The following DLGAP2 variants were observed in gnomAD, a reference collection of about 807,000 sequenced individuals.
DLGAP2 encodes disks large-associated protein 2.
DLGAP2 carries 26 observed loss-of-function variants against 100.3 expected under a neutral mutation model. That is an observed-to-expected ratio of 0.26 (90% CI 0.19 to 0.36). The LOEUF is 0.36. Ranked by LOEUF, DLGAP2 falls within the 10% of genes least tolerant of loss-of-function variation. The probability of loss-of-function intolerance (pLI) is 1.00; values close to 1 mark genes in which losing one functional copy is unlikely to be tolerated. For synonymous variants in DLGAP2, 886 were observed against 630.1 expected (o/e 1.41, Z -6.08); for missense variants, 1,858 against 1,453.2 (o/e 1.28, Z -4.53).
At chr8:1,645,765 T>A (rs1798025979) in intron 8 of DLGAP2, among the ~76,000 whole-genome samples, 1 of 152,248 alleles carries the variant, frequency 6.6e-6, no homozygotes, top group Admixed American at 6.5e-5. Context: ...GTCATTGACA[T>A]GATTTAATAG....
rs867511379 is a variant in DLGAP2, at chr8:1,317,097, A to C, written c.106+58214A>C. Among the ~76,000 whole-genome samples the C allele has an allele frequency of 2.2e-5, 3 of 137,694 alleles. No individual in the cohort carries two copies. The East Asian group carries it at 6.3e-4, about 29-fold the overall frequency. 90.3% of individuals were successfully genotyped at this position (137,694 alleles called of 152,430 possible). A position where few individuals can be genotyped will look rare whatever the true frequency, so the allele number is the denominator to read the frequency against. On this transcript the variant is annotated intron_variant, in intron 3 of 14. Transcript: ENST00000637795. ...ACACTCGAGACACTCGGCAGCGTTTAAAAATAGAGCCTGTGCGAGTGCAGC... is the reference window on the plus strand; with the variant it reads ...ACACTCGAGACACTCGGCAGCGTTTCAAAATAGAGCCTGTGCGAGTGCAGC...
At chr8:1,184,174 G>A (rs1483623815) in intron 2 of DLGAP2, among the ~76,000 whole-genome samples, 1 of 152,208 alleles carries the variant, frequency 6.6e-6, no homozygotes, top group Non-Finnish European at 1.5e-5. Context: ...CAACCGTCAT[G>A]CCTCATTCTA....
chr8:1,164,262 C>T (rs1001339719), intron 2 of DLGAP2, among the ~76,000 whole-genome samples: 35 of 134,772 alleles, frequency 2.6e-4, no homozygotes, highest in African/African-American at 1.0e-3. Context: ...CCCCCAGGGC[C>T]CCTCGTTTTG....
chr8:1,325,345 G>A (rs1800996606), intron 3 of DLGAP2, among the ~76,000 whole-genome samples: 1 of 152,204 alleles, frequency 6.6e-6, no homozygotes, highest in Non-Finnish European at 1.5e-5. Flanking sequence ...CTGCCTGTGT[G>A]TCCAGCCATC....
At chr8:1,315,993 G>A (rs143239783) in intron 3 of DLGAP2, among the ~76,000 whole-genome samples, 9,815 of 124,160 alleles carry the variant, frequency 0.079, 789 homozygotes, top group South Asian at 0.12. Context: ...TAGAGGCTGT[G>A]CGAGTGCAGC....
intron 1 of DLGAP2, among the ~76,000 whole-genome samples, chr8:870,660 A>G (rs1797580399): frequency 6.6e-6 from 1 of 151,632 alleles, no homozygotes; most frequent in Admixed American, 6.6e-5. Flanking sequence ...AATCCAGACT[A>G]TTATCCAGCT....
intron 11 of DLGAP2, 67 bp from the exon 12 acceptor site, chr8:1,678,147 G>C: frequency 1.3e-6 from 2 of 1,533,810 alleles, no homozygotes; most frequent in Non-Finnish European, 1.8e-6. Context: ...CAGGCGACAT[G>C]TAGGACTTTG....
intron 2 of DLGAP2, among the ~76,000 whole-genome samples, chr8:1,225,857 CA>C (rs1585168025): frequency 6.6e-6 from 1 of 152,096 alleles, no homozygotes; most frequent in Non-Finnish European, 1.5e-5. Context: ...GTTCACACCA[CA>C]AAAAAGTTTA....
At chr8:856,726 G>A (rs1045136731) in intron 1 of DLGAP2, among the ~76,000 whole-genome samples, 1 of 152,308 alleles carries the variant, frequency 6.6e-6, no homozygotes, top group Non-Finnish European at 1.5e-5. Context: ...AGAAATGAAA[G>A]GAGATCTAAG....
chr8:774,345 T>G (rs1325388734), intron 1 of DLGAP2, among the ~76,000 whole-genome samples: 14 of 152,236 alleles, frequency 9.2e-5, no homozygotes, highest in Admixed American at 3.3e-4. Flanking sequence ...AGAAGCTCTT[T>G]AGTTTAATTA....
chr8:1,574,298 C>A (rs958173176), intron 6 of DLGAP2, among the ~76,000 whole-genome samples: 1 of 152,130 alleles, frequency 6.6e-6, no homozygotes, highest in Non-Finnish European at 1.5e-5. Context: ...CTAGGCACAG[C>A]ACCGGCAATA....
chr8:1,215,320 T>C (rs11996729), intron 2 of DLGAP2, among the ~76,000 whole-genome samples: 11,959 of 146,684 alleles, frequency 0.082, 854 homozygotes, highest in African/African-American at 0.22. Context: ...AGCATGATCA[T>C]GCGAGGCTGA....
chr8:1,243,987 G>A (rs1165387506), intron 2 of DLGAP2, among the ~76,000 whole-genome samples: 1 of 152,032 alleles, frequency 6.6e-6, no homozygotes, highest in Non-Finnish European at 1.5e-5. Flanking sequence ...CATAGGGATG[G>A]TGAGTGCCAG....
At chr8:1,122,853 C>G (rs990078084) in intron 2 of DLGAP2, among the ~76,000 whole-genome samples, 1 of 151,902 alleles carries the variant, frequency 6.6e-6, no homozygotes, top group African/African-American at 2.4e-5. Flanking sequence ...TAGCTCCCCT[C>G]GTATTTGATG....
chr8:1,219,233 T>A (rs1376022341), intron 2 of DLGAP2, among the ~76,000 whole-genome samples: 6 of 152,216 alleles, frequency 3.9e-5, no homozygotes. Context: ...CTTTTACCCA[T>A]TCAATATGAT....
chr8:1,371,897 G>T (rs749847302), intron 3 of DLGAP2, among the ~76,000 whole-genome samples: 3 of 152,232 alleles, frequency 2.0e-5, no homozygotes, highest in Non-Finnish European at 4.4e-5. Flanking sequence ...ACAGATCAGC[G>T]ACAGAGTGCA....
chr8:1,438,252 C>T (rs988604987), intron 3 of DLGAP2, among the ~76,000 whole-genome samples: 1 of 152,090 alleles, frequency 6.6e-6, no homozygotes, highest in African/African-American at 2.4e-5. Context: ...AAGTCTTTCC[C>T]CATCCCAGTT....
chr8:1,117,369 G>C (rs1276250583), intron 2 of DLGAP2, among the ~76,000 whole-genome samples: 3 of 152,230 alleles, frequency 2.0e-5, no homozygotes, highest in African/African-American at 4.8e-5. Context: ...TCTTCTTTGA[G>C]CCAAGAAATT....
At position 1,115,289 on chromosome 8, in the gene DLGAP2, TTGA is replaced by T. The variant is rs1805082389; in HGVS notation, c.74-143561_74-143559del. 9.8e-5 allele frequency among the ~76,000 whole-genome samples: 15 copies of T among 152,344 alleles called. No homozygotes were observed. In the South Asian group the frequency reaches 2.9e-3, roughly 29 times the overall value. ...TCTGTCTAACACTGTCAGTGGAATG[TTGA>T]CGTCTTCCACTATTATTGTGTGGGA... is the stretch of plus-strand genomic sequence containing the variant. On this transcript the variant is annotated intron_variant, in intron 2 of 14. Coordinates refer to ENST00000637795, the MANE Select transcript of DLGAP2 (RefSeq NM_001346810.2).
Sources: allele counts gnomAD v4.1 joint callset (sites outside exome capture counted in the v4.1 genomes callset), GRCh38; gene constraint gnomAD v4.1.1; transcripts MANE v1.5; gene names NCBI Gene and HGNC (gene_info 2026-07-23, HGNC 2026-07-21).